ACAP3: variants seen among roughly 807,000 people sequenced by gnomAD.
ACAP3 encodes the protein ArfGAP with coiled-coil, ankyrin repeat and PH domains 3.
In ACAP3, 56 loss-of-function variants were observed where a neutral mutation model predicts 104.1. The observed-to-expected ratio is 0.54, with a 90% CI of 0.43 to 0.67. ACAP3 has a LOEUF of 0.67. Among genes scored for constraint, ACAP3 ranks in the 30% least tolerant of loss-of-function variants. The pLI is 0.00. For synonymous variants in ACAP3, 628 were observed against 496.2 expected (o/e 1.27, Z -3.53); for missense variants, 1,208 against 1,174.9 (o/e 1.03, Z -0.41).
In ACAP3 at chr1:1,298,631, T is replaced by C. The variant is rs781677191; in HGVS notation, c.799A>G (p.Ser267Gly). 1.9e-6 allele frequency: 3 copies of C among 1,606,942 alleles called. No homozygotes were observed. Among genetic ancestry groups the C allele is most frequent in the Non-Finnish European group, 2.5e-6 (3 of 1,177,274 alleles). Residue 267 changes from serine (S) to glycine (G), a missense_variant, in exon 11 of 24, where the codon AGT becomes GGT. By Grantham distance (56) the Ser-to-Gly change is moderately conservative. Transcript: ENST00000354700. ...AGGTAGCCCTCCATCACCACCCCAC[T>C]GGGCGCGTCCACGTCAAACTCCACT... is the stretch of plus-strand genomic sequence containing the variant. ...SKVEFDVDAP[S>G]GVVMEGYLFK...
intron 22 of ACAP3, 36 bp from the exon 23 acceptor site, chr1:1,293,969 G>A: frequency 6.7e-7 from 1 of 1,498,186 alleles, no homozygotes; most frequent in Non-Finnish European, 8.9e-7. Flanking sequence ...GTCGGGGCGG[G>A]GCGGGGCGGG....
chr1:1,307,832 G>A lies in ACAP3; in HGVS notation c.-17C>T. 2 of 1,045,654 alleles carry A rather than the reference G, an allele frequency of 1.9e-6. No individual in the cohort carries two copies. Among genetic ancestry groups the A allele is most frequent in the Non-Finnish European group, 1.1e-6 (1 of 870,144 alleles). 64.8% of individuals were successfully genotyped at this position (1,045,654 alleles called of 1,614,324 possible). On this transcript the variant is annotated 5_prime_UTR_variant, in exon 1 of 24. Transcript: ENST00000354700. ...CACGGTCATGGCTGCGGCGGCCGCG[G>A]CGCTCACTGGCACGAGGACCGCGGC... is the stretch of plus-strand genomic sequence containing the variant.
At position 1,292,643 on chromosome 1, in the gene ACAP3, G is replaced by T. The variant is rs1218292161; in HGVS notation, c.*921C>A. 1 of 152,330 alleles carries T rather than the reference G, an allele frequency of 6.6e-6. No individual in the cohort carries two copies. The highest frequency in any genetic ancestry group is 2.4e-5 in the African/African-American group (1 of 41,464). The allele number at this position is 152,330 out of a possible 1,614,324, so 9.4% of individuals were successfully genotyped here. On this transcript the variant is annotated 3_prime_UTR_variant, in exon 24 of 24. Transcript: ENST00000354700. ...TTAGCCTGACCTGCGCTGAGTGGGG[G>T]AGGCCCTGCCTCCCTGCCGGGCACC...
chr1:1,304,514 T>G, intron 1 of ACAP3: 1 of 346,098 alleles, frequency 2.9e-6, no homozygotes, highest in Non-Finnish European at 5.5e-6. Context: ...CTGGAGCCCC[T>G]CAACCCTGCG....
Position 1,303,859 on chromosome 1 carries a change from C to A in ACAP3, c.105+227G>T. On this transcript the variant is annotated intron_variant, in intron 2 of 23. Coordinates refer to ENST00000354700, the MANE Select transcript of ACAP3 (RefSeq NM_030649.3). The surrounding 1 kb of genome is among the most constrained non-coding windows in gnomAD (Gnocchi z 4.0). ...CCGTGGGTCGGGGACTCACCACAGC[C>A]CAGCCCCTCCCAGATGGGACGAGAC... 1 of 616,750 alleles carries A rather than the reference C, an allele frequency of 1.6e-6. No homozygotes were observed. Among genetic ancestry groups the A allele is most frequent in the Non-Finnish European group, 2.8e-6 (1 of 352,390 alleles). 38.2% of individuals were successfully genotyped at this position (616,750 alleles called of 1,614,324 possible).
At position 1,295,478 on chromosome 1, in the gene ACAP3, G is replaced by T; in HGVS notation, c.1782C>A (p.Phe594Leu). The T allele has an allele frequency of 6.2e-7, 1 of 1,612,576 alleles. No individual in the cohort carries two copies. Among genetic ancestry groups the T allele is most frequent in the Non-Finnish European group, 8.5e-7 (1 of 1,179,886 alleles). Residue 594 changes from phenylalanine to leucine, a missense_variant, in exon 19 of 24, where the codon TTC becomes TTA. By Grantham distance (22) the Phe-to-Leu change is conservative. Transcript: ENST00000354700. ...GGCCAGCCCCTGCGGCCCCTGCGTCGAAGTAGGAGAAGAGCGAGTCCAGCT... is the reference window on the plus strand; with the variant it reads ...GGCCAGCCCCTGCGGCCCCTGCGTCTAAGTAGGAGAAGAGCGAGTCCAGCT... ...PDELDSLFSY[F>L]DAGAAGAGPR...
intron 18 of ACAP3, 38 bp downstream of exon 18, chr1:1,295,698 C>A: frequency 6.4e-7 from 1 of 1,573,416 alleles, no homozygotes; most frequent in African/African-American, 1.3e-5. Context: ...CCGACCAAGG[C>A]AAGCCCCTCC....
chr1:1,298,299 T>C, intron 12 of ACAP3, 71 bp downstream of exon 12: 3 of 1,600,196 alleles, frequency 1.9e-6, no homozygotes, highest in South Asian at 1.1e-5. Context: ...TAACCCCAAC[T>C]GACCAGTCTG....
At chr1:1,302,318 C>T (rs1031022890) in intron 4 of ACAP3, among the ~76,000 whole-genome samples, 2 of 152,012 alleles carry the variant, frequency 1.3e-5, no homozygotes, top group African/African-American at 4.8e-5. Flanking sequence ...TGAGCCGGAG[C>T]CCCACTGCCT....
intron 11 of ACAP3, 26 bp downstream of exon 11, chr1:1,298,541 G>A (rs201992053): frequency 6.7e-4 from 267 of 396,202 alleles, no homozygotes; most frequent in African/African-American, 1.9e-3. Flanking sequence ...TAAGGACCCC[G>A]CCCCCACCTG....
rs1343152340 is a variant in ACAP3 at position 1,293,576 on chromosome 1, C to T, written c.2493G>A (p.Leu831=). Residue 831 remains leucine (L), a synonymous_variant, in exon 24 of 24, where the codon CTG becomes CTA. Transcript: ENST00000354700. The part of the protein sequence containing the change: ...RCIQEFISLH[L]EES Reference sequence around the variant, plus strand: ...GGCCTGCCCGGCCCTAGCTCTCTTCCAGGTGGAGGCTGATGAACTCCTGGA... The same window carrying T: ...GGCCTGCCCGGCCCTAGCTCTCTTCTAGGTGGAGGCTGATGAACTCCTGGA... 3 of 1,488,854 alleles carry T rather than the reference C, an allele frequency of 2.0e-6. No individual in the cohort carries two copies. The highest frequency in any genetic ancestry group is 2.2e-5 in the Admixed American group (1 of 46,360). The allele number at this position is 1,488,854 out of a possible 1,614,324, so 92.2% of individuals were successfully genotyped here.
intron 1 of ACAP3, 187 bp from the exon 2 acceptor site, chr1:1,304,330 C>A: frequency 1.5e-6 from 1 of 685,052 alleles, no homozygotes; most frequent in Non-Finnish European, 2.4e-6. Context: ...CCCCCCGCCC[C>A]CCCAACCCCA....
Position 1,296,858 on chromosome 1 carries a change from G to A in ACAP3, c.1129-225C>T, listed in dbSNP as rs547209305. Among the ~76,000 whole-genome samples the A allele has an allele frequency of 1.2e-4, 18 of 149,838 alleles. No individual in the cohort carries two copies. The East Asian group carries it at 2.6e-3, about 21-fold the overall frequency. The stretch of plus-strand genomic sequence containing the variant: ...GCACACCCTCACGTGGACAGGTGGC[G>A]CCGAGCACACGCCCGCACACGCACG... On this transcript the variant is annotated intron_variant, in intron 14 of 23. Coordinates refer to ENST00000354700, the MANE Select transcript of ACAP3 (RefSeq NM_030649.3).
chr1:1,307,064 G>A (rs1040753670), intron 1 of ACAP3: 1 of 767,586 alleles, frequency 1.3e-6, no homozygotes, highest in Non-Finnish European at 2.0e-6. Context: ...CCTCACGCAG[G>A]TGCGCACTTG....
At chr1:1,307,511 C>G (rs2100508175) in intron 1 of ACAP3, 1 of 1,196,660 alleles carries the variant, frequency 8.4e-7, no homozygotes, top group South Asian at 1.3e-5. Flanking sequence ...AGAGCGGGGG[C>G]GGACGGTCCC....
intron 12 of ACAP3, 33 bp from the exon 13 acceptor site, chr1:1,298,146 A>T (rs1641278570): frequency 6.3e-7 from 1 of 1,582,874 alleles, no homozygotes; most frequent in African/African-American, 1.4e-5. Flanking sequence ...CCCTGCCCTC[A>T]GCCACCACCC....
intron 1 of ACAP3, chr1:1,305,347 C>T (rs1641645944): frequency 1.3e-5 from 2 of 152,740 alleles, no homozygotes; most frequent in Admixed American, 6.5e-5. Flanking sequence ...TGGACCCTGA[C>T]CTCTACCTCA....
At chr1:1,301,644 T>A in intron 5 of ACAP3, 2 of 184,878 alleles carry the variant, frequency 1.1e-5, no homozygotes, top group Non-Finnish European at 2.2e-5. Flanking sequence ...CCCGCACCCC[T>A]GCTGACCCCG....
intron 1 of ACAP3, chr1:1,307,101 C>T (rs1449949182): frequency 9.2e-7 from 1 of 1,087,424 alleles, no homozygotes. Flanking sequence ...TCTTTGCCTC[C>T]ATTGTCGTTT....
Sources: gnomAD v4.1 joint callset for allele counts (sites outside exome capture counted in the v4.1 genomes callset) on GRCh38, gnomAD v4.1.1 for gene constraint, Gnocchi (gnomAD v3.1) non-coding constraint, MANE v1.5 for transcripts, NCBI Gene and HGNC (gene_info 2026-07-23, HGNC 2026-07-21) for gene names.